The following GRID2 variants were observed in gnomAD, a reference collection of about 807,000 sequenced individuals.
GRID2 encodes the protein glutamate ionotropic receptor delta type subunit 2, also known as glutamate receptor ionotropic, delta-2.
GRID2 carries 33 observed loss-of-function variants against 114.8 expected under a neutral mutation model. The observed-to-expected ratio is 0.29, with a 90% CI of 0.22 to 0.38. The LOEUF is 0.38. Ranked by LOEUF, GRID2 falls within the 10% of genes least tolerant of loss-of-function variation. The pLI is 1.00. For missense variants in GRID2, 1,184 were observed against 1,257.7 expected (o/e 0.94, Z 0.89); for synonymous variants, 505 against 449.9 (o/e 1.12, Z -1.55).
chr4:92,509,202 T>C (rs1431734820), intron 1 of GRID2, among the ~76,000 whole-genome samples: 1 of 151,974 alleles, frequency 6.6e-6, no homozygotes, highest in East Asian at 1.9e-4. Context: ...GACGATATTA[T>C]TAAAAATGGA....
intron 4 of GRID2, among the ~76,000 whole-genome samples, chr4:93,117,491 A>G (rs1297800372): frequency 6.6e-6 from 1 of 152,150 alleles, no homozygotes; most frequent in African/African-American, 2.4e-5. Context: ...TGTAATTCCA[A>G]AATCAATACT....
rs1044506642 is a variant in GRID2 at position 92,959,846 on chromosome 4, G to A, written c.245-125149G>A. 3.3e-5 allele frequency among the ~76,000 whole-genome samples: 5 copies of A among 152,060 alleles called. No homozygotes were observed. In the East Asian group the frequency reaches 9.7e-4, roughly 29 times the overall value. Reference sequence around the variant, plus strand: ...AGGGAGGGGAACATCTCACACTGGGGCCTATTGGGGGATAGGGTAGCTAGG... The same window carrying A: ...AGGGAGGGGAACATCTCACACTGGGACCTATTGGGGGATAGGGTAGCTAGG... On this transcript the variant is annotated intron_variant, in intron 2 of 15. Coordinates refer to ENST00000282020, the MANE Select transcript of GRID2 (RefSeq NM_001510.4).
intron 1 of GRID2, among the ~76,000 whole-genome samples, chr4:92,411,653 GTGTATATATATATA>G (rs1015970577): frequency 2.0e-5 from 2 of 98,834 alleles, no homozygotes; most frequent in Admixed American, 9.4e-5. Flanking sequence ...GTGTGTGTGT[GTGTATATATATATA>G]TATATATATA....
At chr4:92,647,903 C>A (rs1489381631) in intron 2 of GRID2, among the ~76,000 whole-genome samples, 1 of 149,642 alleles carries the variant, frequency 6.7e-6, no homozygotes, top group South Asian at 2.1e-4. Context: ...GGCCTAGTTT[C>A]ACTTATGTGA....
At chr4:92,797,685 TTTTC>T (rs1408918333) in intron 2 of GRID2, among the ~76,000 whole-genome samples, 1 of 151,974 alleles carries the variant, frequency 6.6e-6, no homozygotes, top group Non-Finnish European at 1.5e-5. Context: ...ATATCTAACT[TTTTC>T]TTTTTTTGCT....
At chr4:92,966,335 C>T (rs191183104) in intron 2 of GRID2, among the ~76,000 whole-genome samples, 5 of 151,892 alleles carry the variant, frequency 3.3e-5, no homozygotes, top group Admixed American at 1.3e-4. Flanking sequence ...GTCGACCCTT[C>T]GGCCAAAAAG....
At chr4:93,142,307 C>T (rs902177548) in intron 4 of GRID2, among the ~76,000 whole-genome samples, 1 of 152,140 alleles carries the variant, frequency 6.6e-6, no homozygotes, top group Admixed American at 6.5e-5. Flanking sequence ...CATGAAGTGC[C>T]CAGCTTATAA....
At chr4:93,015,061 A>G (rs1722544807) in intron 2 of GRID2, among the ~76,000 whole-genome samples, 1 of 152,168 alleles carries the variant, frequency 6.6e-6, no homozygotes, top group African/African-American at 2.4e-5. Flanking sequence ...TTAAATGCTT[A>G]ATGTAAGGTT....
intron 14 of GRID2, among the ~76,000 whole-genome samples, chr4:93,668,496 G>A (rs1429108136): frequency 6.6e-6 from 1 of 151,908 alleles, no homozygotes; most frequent in African/African-American, 2.4e-5. Flanking sequence ...AATATGCATT[G>A]AGGTTATACA....
At chr4:92,914,121 C>T (rs1053017739) in intron 2 of GRID2, among the ~76,000 whole-genome samples, 2 of 151,900 alleles carry the variant, frequency 1.3e-5, no homozygotes, top group Non-Finnish European at 2.9e-5. Flanking sequence ...TTTTAGCATC[C>T]AAATATGTGT....
intron 1 of GRID2, among the ~76,000 whole-genome samples, chr4:93,803,012 G>C (rs1167276597): frequency 1.3e-5 from 2 of 152,170 alleles, no homozygotes; most frequent in Non-Finnish European, 2.9e-5. Flanking sequence ...CAATGGCCTT[G>C]TTTGAACATA....
Position 93,026,556 on chromosome 4 carries a change from T to C in GRID2, c.245-58439T>C. ...TCAGTTCCATTTTTTTTCTCATCCA[T>C]AAGTATTTTCAGATTTACTTTGATG... On this transcript the variant is annotated intron_variant, in intron 2 of 15. Transcript: ENST00000282020. Among the ~76,000 whole-genome samples the C allele has an allele frequency of 1.3e-5, 2 of 151,938 alleles. 1 individual carries two copies. The highest frequency in any genetic ancestry group is 3.9e-4 in the East Asian group (2 of 5,190).
At chr4:93,452,078 G>A (rs1429737973) in intron 10 of GRID2, among the ~76,000 whole-genome samples, 1 of 152,080 alleles carries the variant, frequency 6.6e-6, no homozygotes, top group Non-Finnish European at 1.5e-5. Context: ...AACACAGATG[G>A]AATTGCCTAG....
intron 13 of GRID2, among the ~76,000 whole-genome samples, chr4:93,623,109 C>CT (rs1055168166): frequency 2.0e-5 from 3 of 151,694 alleles, no homozygotes; most frequent in East Asian, 3.9e-4. Context: ...CTAATACAGT[C>CT]TTTTTTTTAA....
In GRID2 at chr4:92,457,344, T is replaced by C. The variant is rs1460677195; in HGVS notation, c.89-132787T>C. On this transcript the variant is annotated intron_variant, in intron 1 of 15. Transcript: ENST00000282020. The stretch of plus-strand genomic sequence containing the variant: ...TTTTCCATTGAATTATTTATGTTTA[T>C]GTGTTAGATTGTAAGGAACTTGAAG... 2.0e-5 allele frequency among the ~76,000 whole-genome samples: 3 copies of C among 152,292 alleles called. No individual in the cohort carries two copies. In the East Asian group the frequency reaches 5.8e-4, roughly 29 times the overall value.
intron 2 of GRID2, among the ~76,000 whole-genome samples, chr4:93,073,116 A>T (rs1305533580): frequency 6.6e-6 from 1 of 152,182 alleles, no homozygotes; most frequent in Admixed American, 6.6e-5. Flanking sequence ...CACCAAGTTT[A>T]GTGCAATACT....
At chr4:92,452,688 G>T (rs2149080110) in intron 1 of GRID2, among the ~76,000 whole-genome samples, 1 of 151,988 alleles carries the variant, frequency 6.6e-6, no homozygotes, top group East Asian at 1.9e-4. Flanking sequence ...GCATGAAAGT[G>T]AGACTAATAC....
intron 1 of GRID2, among the ~76,000 whole-genome samples, chr4:92,518,824 T>G (rs974290756): frequency 1.3e-5 from 2 of 151,952 alleles, no homozygotes; most frequent in Non-Finnish European, 2.9e-5. Context: ...TTCCTTTTTC[T>G]GAAAATAGAC....
intron 4 of GRID2, among the ~76,000 whole-genome samples, chr4:93,192,687 C>T (rs1293261080): frequency 7.3e-6 from 1 of 137,160 alleles, no homozygotes; most frequent in Non-Finnish European, 1.5e-5. Flanking sequence ...GCAGAGGTTG[C>T]AGTGAGCCAA....
Sources: allele counts gnomAD v4.1 joint callset (sites outside exome capture counted in the v4.1 genomes callset), GRCh38; gene constraint gnomAD v4.1.1; transcripts MANE v1.5; gene names NCBI Gene and HGNC (gene_info 2026-07-23, HGNC 2026-07-21).